The following PTPRZ1 variants were observed in gnomAD, a reference collection of about 807,000 sequenced individuals.
PTPRZ1 encodes protein tyrosine phosphatase receptor type Z1.
A neutral mutation model predicts 214.1 loss-of-function variants in PTPRZ1; 82 were observed. That is an observed-to-expected ratio of 0.38 (90% CI 0.32 to 0.46). PTPRZ1 has a LOEUF of 0.46. Ranked by LOEUF, PTPRZ1 falls within the 20% of genes least tolerant of loss-of-function variation. The pLI, the probability that PTPRZ1 is intolerant of heterozygous loss-of-function variation, is 1.00. For missense variants in PTPRZ1, 2,603 were observed against 2,748.7 expected, an observed-to-expected ratio of 0.95 and a Z score of 1.19; for synonymous variants, 945 against 987.9, an observed-to-expected ratio of 0.96 and a Z score of 0.81.
At chr7:121,906,447 T>C (rs994474508) in intron 1 of PTPRZ1, among the ~76,000 whole-genome samples, 2 of 152,204 alleles carry the variant, frequency 1.3e-5, no homozygotes, top group Admixed American at 6.6e-5. Flanking sequence ...AAGAAATTTT[T>C]CATCAAATGT....
chr7:121,944,595 T>C (rs1796318301), intron 2 of PTPRZ1, among the ~76,000 whole-genome samples: 1 of 152,102 alleles, frequency 6.6e-6, no homozygotes, highest in South Asian at 2.1e-4. Flanking sequence ...TTCAAGTCAA[T>C]AATGTAAACC....
chr7:122,006,953 C>T (rs1325447652), intron 11 of PTPRZ1, among the ~76,000 whole-genome samples: 1 of 151,920 alleles, frequency 6.6e-6, no homozygotes, highest in African/African-American at 2.4e-5. Context: ...GAGAGAATGG[C>T]ACAGCAGATG....
chr7:121,875,647 G>A (rs913864150), intron 1 of PTPRZ1, among the ~76,000 whole-genome samples: 1 of 152,210 alleles, frequency 6.6e-6, no homozygotes, highest in Non-Finnish European at 1.5e-5. Flanking sequence ...TGTTGAGACT[G>A]GAAGGTGACT....
At chr7:121,943,402 C>G (rs1004418824) in intron 2 of PTPRZ1, among the ~76,000 whole-genome samples, 28 of 152,088 alleles carry the variant, frequency 1.8e-4, no homozygotes, top group Non-Finnish European at 3.7e-4. Flanking sequence ...GTGGCGCGAT[C>G]TCGGCTCACT....
chr7:121,973,779 C>G (rs1584699212), intron 4 of PTPRZ1, among the ~76,000 whole-genome samples: 1 of 151,746 alleles, frequency 6.6e-6, no homozygotes, highest in African/African-American at 2.4e-5. Context: ...ACTAAAAACA[C>G]AAAAATTAGC....
Position 121,914,562 on chromosome 7 carries a change from T to A in PTPRZ1, c.59-13594T>A, listed in dbSNP as rs549646775. Among the ~76,000 whole-genome samples, 3 of 152,292 alleles carry A rather than the reference T, an allele frequency of 2.0e-5. No individual in the cohort carries two copies. In the East Asian group the frequency reaches 5.8e-4, roughly 29 times the overall value. On this transcript the variant is annotated intron_variant, in intron 1 of 29. Transcript: ENST00000393386. ...ATTAAGCCATGAAAAGGATCAATTG[T>A]TTTTGTGAAAAATCCTTGGGACGTG...
In PTPRZ1 at chr7:121,984,068, T is replaced by C. The variant is rs143965756; in HGVS notation, c.879T>C (p.Ser293=). 4.6e-4 allele frequency: 745 copies of C among 1,613,692 alleles called. 4 individuals are homozygous for C. The African/African-American group carries it at 9.0e-3, about 19-fold the overall frequency. ...NNFREQQYKF[S]RQVFSSYTGK... ...TTCGAGAGCAACAGTACAAGTTCTC[T>C]AGACAGGTGTTTTCCTCATACACTG... The change falls in exon 8 of 30, where the codon TCT becomes TCC. Residue 293 remains serine (S), a synonymous_variant. Coordinates refer to ENST00000393386, the MANE Select transcript of PTPRZ1 (RefSeq NM_002851.3).
Position 121,995,156 on chromosome 7 carries a change from G to T in PTPRZ1, c.929-1226G>T, listed in dbSNP as rs80143493. ...CAATTGTTAGTTGTGGGTGCCCTCC[G>T]GTGTTCATGAGGTGAACTGCAAACT... On this transcript the variant is annotated intron_variant, in intron 8 of 29. Transcript: ENST00000393386. 3.7e-3 allele frequency among the ~76,000 whole-genome samples: 557 copies of T among 152,174 alleles called. 3 individuals are homozygous for T. Among genetic ancestry groups the T allele is most frequent in the African/African-American group, 0.012 (518 of 41,502 alleles).
intron 1 of PTPRZ1, among the ~76,000 whole-genome samples, chr7:121,920,104 G>T (rs1563017878): frequency 6.6e-6 from 1 of 151,942 alleles, no homozygotes; most frequent in African/African-American, 2.4e-5. Context: ...GAACTTGCTT[G>T]GTGTTTTGTG....
At chr7:122,023,528 T>C (rs1338391644) in intron 13 of PTPRZ1, among the ~76,000 whole-genome samples, 5 of 135,604 alleles carry the variant, frequency 3.7e-5, no homozygotes, top group African/African-American at 1.4e-4. Context: ...TATAATTATA[T>C]ATATATAATT....
In PTPRZ1 at chr7:122,039,524, G is replaced by C. The variant is rs146339775; in HGVS notation, c.5573G>C (p.Ser1858Thr). ...GGGAACTTTCTGGTCACTCAGAAGA[G>C]TGTGCAAGTGCTTGCCTATTATACT... is the stretch of plus-strand genomic sequence containing the variant. ...EYGNFLVTQKSVQVLAYYTVR... is the reference protein window; with the variant it reads ...EYGNFLVTQKTVQVLAYYTVR... Residue 1858 changes from serine (S) to threonine (T), a missense_variant, in exon 20 of 30, where the codon AGT (serine) becomes ACT (threonine). Transcript: ENST00000393386. 13 of 1,613,960 alleles carry C rather than the reference G, an allele frequency of 8.1e-6. No homozygotes were observed. The African/African-American group carries it at 1.7e-4, about 22-fold the overall frequency.
At chr7:121,913,909 C>T (rs1041258300) in intron 1 of PTPRZ1, among the ~76,000 whole-genome samples, 5 of 152,064 alleles carry the variant, frequency 3.3e-5, no homozygotes, top group South Asian at 2.1e-4. Flanking sequence ...ACCTAATTCC[C>T]GGGAAAAAAA....
intron 1 of PTPRZ1, among the ~76,000 whole-genome samples, chr7:121,882,777 G>A (rs79731967): frequency 0.022 from 3,317 of 152,286 alleles, 123 homozygotes; most frequent in African/African-American, 0.076. Context: ...GGCAGTCACA[G>A]TGGAAATTTA....
intron 2 of PTPRZ1, among the ~76,000 whole-genome samples, chr7:121,938,961 G>T (rs1796166824): frequency 6.6e-6 from 1 of 152,082 alleles, no homozygotes; most frequent in African/African-American, 2.4e-5. Context: ...CTAAATCAGT[G>T]TGAGGGCAAC....
At chr7:121,908,513 C>A in intron 1 of PTPRZ1, 2 of 352,822 alleles carry the variant, frequency 5.7e-6, no homozygotes, top group Non-Finnish European at 1.1e-5. Flanking sequence ...TTTTACCTAG[C>A]CTTTCTAATG....
chr7:122,027,405 C>T (rs529375263), intron 13 of PTPRZ1, among the ~76,000 whole-genome samples: 162 of 151,978 alleles, frequency 1.1e-3, no homozygotes, highest in Non-Finnish European at 1.8e-3. Flanking sequence ...CTAATTGCAG[C>T]GAGAAGCCAT....
At chr7:122,027,258 A>G (rs1799229820) in intron 13 of PTPRZ1, among the ~76,000 whole-genome samples, 1 of 152,178 alleles carries the variant, frequency 6.6e-6, no homozygotes, top group African/African-American at 2.4e-5. Flanking sequence ...TCAGAGGTGA[A>G]GGAGAGGACC....
At position 122,013,010 on chromosome 7, in the gene PTPRZ1, C is replaced by T. The variant is rs139948284; in HGVS notation, c.3964C>T (p.Pro1322Ser). Residue 1322 changes from proline (P) to serine (S), a missense_variant, in exon 12 of 30, where the codon CCA (proline) becomes TCA (serine). This residue lies in a region of PTPRZ1 where 1,913 missense variants were observed against 1,914.3 expected (regional missense o/e 1.00). Coordinates refer to ENST00000393386, the MANE Select transcript of PTPRZ1 (RefSeq NM_002851.3). ...TACACCTGTTTTATCAATTGATGAA[C>T]CATTAAATACACTAATAAATAAGCT... ...FATPVLSIDE[P>S]LNTLINKLIH... 5 of 1,614,024 alleles carry T rather than the reference C, an allele frequency of 3.1e-6. No homozygotes were observed. The highest frequency in any genetic ancestry group is 4.2e-6 in the Non-Finnish European group (5 of 1,179,918).
chr7:121,903,555 T>G (rs1795031154), intron 1 of PTPRZ1, among the ~76,000 whole-genome samples: 1 of 152,214 alleles, frequency 6.6e-6, no homozygotes, highest in Non-Finnish European at 1.5e-5. Flanking sequence ...ATCAAATCAA[T>G]GGAATATAAA....
Sources: allele counts gnomAD v4.1 joint callset (sites outside exome capture counted in the v4.1 genomes callset), GRCh38; gene constraint gnomAD v4.1.1; regional missense constraint gnomAD v4.1.1; transcripts MANE v1.5; gene names NCBI Gene and HGNC (gene_info 2026-07-23, HGNC 2026-07-21).